Variants in GKAP1 observed in about 807,000 individuals in gnomAD.
GKAP1 encodes G kinase anchoring protein 1.
In GKAP1, 31 loss-of-function variants were observed where a neutral mutation model predicts 56.7. The ratio of observed to expected loss-of-function variants is 0.55; its 90% CI spans 0.41 to 0.74. The LOEUF is 0.74. Ranked by LOEUF, GKAP1 falls within the 30% of genes least tolerant of loss-of-function variation. The pLI, the probability that GKAP1 is intolerant of heterozygous loss-of-function variation, is 0.00. For synonymous variants in GKAP1, 151 were observed against 138.6 expected, an observed-to-expected ratio of 1.09 and a Z score of -0.63; for missense variants, 364 against 402.3, an observed-to-expected ratio of 0.90 and a Z score of 0.82.
At chr9:83,805,335 G>GCC in intron 3 of GKAP1, among the ~76,000 whole-genome samples, 1 of 151,990 alleles carries the variant, frequency 6.6e-6, no homozygotes, top group Admixed American at 6.6e-5. Context: ...ACTGCGGAAG[G>GCC]CCGCAGGGTC....
At chr9:83,745,178 G>A (rs1465014788) in intron 10 of GKAP1, among the ~76,000 whole-genome samples, 2 of 152,002 alleles carry the variant, frequency 1.3e-5, no homozygotes, top group Non-Finnish European at 2.9e-5. Context: ...CCATAGGCGT[G>A]CACCACCATG....
chr9:83,780,458 A>C (rs1265718661), intron 6 of GKAP1, 54 bp from the exon 7 acceptor site: 3 of 800,860 alleles, frequency 3.7e-6, no homozygotes, highest in Non-Finnish European at 5.9e-6. Context: ...TTTAACATAC[A>C]AAAATGTAAA....
chr9:83,744,934 G>A (rs1306922099), intron 10 of GKAP1, among the ~76,000 whole-genome samples: 3 of 152,112 alleles, frequency 2.0e-5, no homozygotes, highest in Admixed American at 2.0e-4. Context: ...TCACTAACAT[G>A]AGAATAGCAT....
intron 12 of GKAP1, among the ~76,000 whole-genome samples, 186 bp from the exon 13 acceptor site, chr9:83,739,930 G>A (rs1943178858): frequency 1.3e-5 from 2 of 152,078 alleles, no homozygotes; most frequent in Non-Finnish European, 2.9e-5. Flanking sequence ...TTTATAAATG[G>A]TTAAGGTTGG....
intron 9 of GKAP1, among the ~76,000 whole-genome samples, chr9:83,749,941 C>G (rs1266012843): frequency 1.3e-5 from 2 of 152,150 alleles, no homozygotes; most frequent in Non-Finnish European, 2.9e-5. Context: ...CACATACACT[C>G]AACTACAACT....
chr9:83,794,927 G>A (rs949078842), intron 4 of GKAP1, among the ~76,000 whole-genome samples: 1 of 151,864 alleles, frequency 6.6e-6, no homozygotes, highest in Admixed American at 6.6e-5. Flanking sequence ...AGGTGGGGAG[G>A]GGAGGATCAT....
chr9:83,782,058 G>A (rs1428211767), intron 6 of GKAP1, among the ~76,000 whole-genome samples: 2 of 151,856 alleles, frequency 1.3e-5, no homozygotes, highest in Non-Finnish European at 2.9e-5. Flanking sequence ...TAGCCAGGGT[G>A]GTCTTGATCT....
At chr9:83,810,330 T>C (rs959280974) in intron 2 of GKAP1, among the ~76,000 whole-genome samples, 8 of 152,224 alleles carry the variant, frequency 5.3e-5, no homozygotes, top group African/African-American at 1.9e-4. Context: ...AATATTCTTA[T>C]TTCATGGATA....
intron 7 of GKAP1, among the ~76,000 whole-genome samples, chr9:83,771,681 G>A (rs182811379): frequency 3.3e-5 from 5 of 152,058 alleles, no homozygotes; most frequent in African/African-American, 9.7e-5. Flanking sequence ...ATGCATGTGC[G>A]ATTGCTAAGG....
At chr9:83,768,724 AATC>A in intron 8 of GKAP1, 91 bp downstream of exon 8, 1 of 1,039,100 alleles carries the variant, frequency 9.6e-7, no homozygotes, top group Non-Finnish European at 1.4e-6. Flanking sequence ...TACTTTATAC[AATC>A]ATAATTTGAT....
chr9:83,809,211 T>C (rs295281), intron 2 of GKAP1, among the ~76,000 whole-genome samples: 66,304 of 152,054 alleles, frequency 0.44, 15,072 homozygotes, highest in African/African-American at 0.55. Flanking sequence ...CCAAGGCTCA[T>C]AGAAATTTTC....
In GKAP1 at chr9:83,772,574, CAA is replaced by C. The variant is rs554478995; in HGVS notation, c.586-3606_586-3605del. On this transcript the variant is annotated intron_variant, in intron 7 of 12. Transcript: ENST00000376371. ...ATAACAATTTAAAACTTTTGTGCTT[CAA>C]AAGACACAATTAAAAAACCAAAAAG... Among the ~76,000 whole-genome samples, 256 of 152,140 alleles carry C rather than the reference CAA, an allele frequency of 1.7e-3. 2 individuals are homozygous for C. Among genetic ancestry groups the C allele is most frequent in the African/African-American group, 5.9e-3 (243 of 41,532 alleles).
chr9:83,785,828 C>T (rs978105688), intron 5 of GKAP1, among the ~76,000 whole-genome samples: 3 of 152,144 alleles, frequency 2.0e-5, no homozygotes, highest in African/African-American at 7.2e-5. Context: ...GATTAAACAG[C>T]TTTCTGCCAA....
At chr9:83,769,051 G>C (rs1943712901) in intron 7 of GKAP1, 81 bp from the exon 8 acceptor site, 2 of 1,065,618 alleles carry the variant, frequency 1.9e-6, no homozygotes, top group African/African-American at 1.6e-5. Context: ...CACAAGAAGG[G>C]ATATGCATTT....
chr9:83,773,770 T>C (rs996025162), intron 7 of GKAP1, among the ~76,000 whole-genome samples: 1 of 152,204 alleles, frequency 6.6e-6, no homozygotes, highest in Non-Finnish European at 1.5e-5. Flanking sequence ...TTTTCATCCA[T>C]ATACTCTACA....
At chr9:83,774,046 C>CT (rs1435858564) in intron 7 of GKAP1, among the ~76,000 whole-genome samples, 6 of 151,844 alleles carry the variant, frequency 4.0e-5, no homozygotes, top group African/African-American at 1.4e-4. Flanking sequence ...ATTTTTCTAT[C>CT]TTTAGTAGAG....
Position 83,782,583 on chromosome 9 carries a change from C to T in GKAP1, c.562+2132G>A, listed in dbSNP as rs562725581. On this transcript the variant is annotated intron_variant, in intron 6 of 12. Coordinates refer to ENST00000376371, the MANE Select transcript of GKAP1 (RefSeq NM_025211.4). ...ATGTTGGCCAGGCTGGTCTCAAACT[C>T]CTGACCTTAGGTGATCCACCTGCCT... Among the ~76,000 whole-genome samples the T allele has an allele frequency of 1.6e-4, 24 of 151,118 alleles. No individual in the cohort carries two copies. The South Asian group carries it at 5.1e-3, about 32-fold the overall frequency.
intron 8 of GKAP1, among the ~76,000 whole-genome samples, chr9:83,763,927 CTTAA>C (rs1188953265): frequency 6.6e-6 from 1 of 152,134 alleles, no homozygotes; most frequent in Non-Finnish European, 1.5e-5. Context: ...CATACTGCTA[CTTAA>C]TTATTTAAAC....
At chr9:83,796,835 A>ACTAAAATCTTACTTTCTCAGTCAC in intron 4 of GKAP1, among the ~76,000 whole-genome samples, 1 of 152,096 alleles carries the variant, frequency 6.6e-6, no homozygotes, top group Non-Finnish European at 1.5e-5. Flanking sequence ...TTAGTGCATT[A>ACTAAAATCTTACTTTCTCAGTCAC]TTTTATCTTA....
Sources: allele counts gnomAD v4.1 joint callset (sites outside exome capture counted in the v4.1 genomes callset), GRCh38; gene constraint gnomAD v4.1.1; transcripts MANE v1.5; gene names NCBI Gene and HGNC (gene_info 2026-07-23, HGNC 2026-07-21).